Variants in ASAP1 observed in about 807,000 individuals in gnomAD.
The protein encoded by ASAP1 is arf-GAP with SH3 domain, ANK repeat and PH domain-containing protein 1.
A neutral mutation model predicts 145.2 loss-of-function variants in ASAP1; 43 were observed. The ratio of observed to expected loss-of-function variants is 0.30; its 90% confidence interval spans 0.23 to 0.38. The LOEUF is 0.38. ASAP1 is among the 10% of genes least tolerant of loss of function. The pLI is 1.00. For missense variants in ASAP1, 1,018 were observed against 1,355.3 expected, an observed-to-expected ratio of 0.75 and a Z score of 3.91; for synonymous variants, 546 against 515.5, an observed-to-expected ratio of 1.06 and a Z score of -0.80.
At chr8:130,351,406 G>A (rs1195277262) in intron 3 of ASAP1, among the ~76,000 whole-genome samples, 1 of 152,122 alleles carries the variant, frequency 6.6e-6, no homozygotes, top group African/African-American at 2.4e-5. Context: ...TTAGATGATA[G>A]GTGTAAAAAA....
intron 15 of ASAP1, among the ~76,000 whole-genome samples, chr8:130,130,717 T>C (rs1436461091): frequency 1.3e-5 from 2 of 152,174 alleles, no homozygotes; most frequent in Non-Finnish European, 2.9e-5. Context: ...CCCATCTTAC[T>C]GATGAGAAGA....
intron 5 of ASAP1, among the ~76,000 whole-genome samples, chr8:130,193,901 G>A (rs545117429): frequency 6.6e-6 from 1 of 152,124 alleles, no homozygotes; most frequent in South Asian, 2.1e-4. Flanking sequence ...TGTTGGTCAG[G>A]CTGGTTTCCA....
At chr8:130,262,412 AAAAAAGAGAGAGAGAGAG>A (rs1819967942) in intron 3 of ASAP1, among the ~76,000 whole-genome samples, 11 of 98,510 alleles carry the variant, frequency 1.1e-4, no homozygotes, top group Non-Finnish European at 2.0e-4. Flanking sequence ...AAAAAAAAAA[AAAAAAGAGAGAGAGAGAG>A]AGAGAGAGAG....
intron 1 of ASAP1, among the ~76,000 whole-genome samples, chr8:130,417,251 C>T (rs1382577404): frequency 6.6e-6 from 1 of 152,206 alleles, no homozygotes; most frequent in African/African-American, 2.4e-5. Flanking sequence ...GACAGATATA[C>T]AACCCAAGTC....
chr8:130,118,660 T>C lies in ASAP1; in HGVS notation c.1623A>G (p.Glu541=), dbSNP rs1414310955. ...TPSSDMTVRK[E]YITAKYVDHR... The stretch of plus-strand genomic sequence containing the variant: ...GATCTACATACTTTGCAGTGATATA[T>C]TCTTTTCGTACAGTCCTAAAACAGA... Residue 541 remains glutamate, a synonymous_variant, in exon 19 of 30, where the codon GAA becomes GAG. Transcript: ENST00000518721. 6.2e-7 allele frequency: 1 copy of C among 1,611,436 alleles called. No homozygotes were observed. The highest frequency in any genetic ancestry group is 1.3e-5 in the African/African-American group (1 of 74,886).
chr8:130,418,267 A>G (rs1398435642), intron 1 of ASAP1, among the ~76,000 whole-genome samples: 1 of 152,234 alleles, frequency 6.6e-6, no homozygotes, highest in East Asian at 1.9e-4. Context: ...TATACAATTC[A>G]GGCCCGGCAC....
intron 27 of ASAP1, among the ~76,000 whole-genome samples, chr8:130,066,896 T>C (rs192420060): frequency 3.9e-5 from 6 of 152,308 alleles, no homozygotes; most frequent in Non-Finnish European, 7.4e-5. Flanking sequence ...AGAGGCCCTG[T>C]TGGGTCTGGG....
At chr8:130,407,976 C>A (rs937074964) in intron 1 of ASAP1, among the ~76,000 whole-genome samples, 5 of 152,322 alleles carry the variant, frequency 3.3e-5, no homozygotes, top group Admixed American at 2.6e-4. Context: ...TCTGTGGAAG[C>A]TGTACTTAGA....
At chr8:130,311,448 C>T (rs566361723) in intron 3 of ASAP1, among the ~76,000 whole-genome samples, 1 of 152,284 alleles carries the variant, frequency 6.6e-6, no homozygotes, top group African/African-American at 2.4e-5. Context: ...CTTTTTCACT[C>T]GTTAAGCCAG....
chr8:130,143,425 T>TTTG (rs61705958), intron 13 of ASAP1, among the ~76,000 whole-genome samples: 12 of 151,072 alleles, frequency 7.9e-5, no homozygotes, highest in Admixed American at 7.3e-4. Context: ...TTTTTTTTTT[T>TTTG]GACATATGTT....
chr8:130,168,085 T>C (rs1412329265), intron 10 of ASAP1, among the ~76,000 whole-genome samples: 7 of 152,192 alleles, frequency 4.6e-5, no homozygotes, highest in Non-Finnish European at 1.0e-4. Flanking sequence ...GGGACTTAAC[T>C]GTAACCTGAA....
chr8:130,414,235 T>A (rs184399788), intron 1 of ASAP1, among the ~76,000 whole-genome samples: 29 of 152,330 alleles, frequency 1.9e-4, no homozygotes, highest in African/African-American at 6.0e-4. Context: ...TGCTGACCCA[T>A]CTGCCATGTC....
intron 3 of ASAP1, among the ~76,000 whole-genome samples, chr8:130,282,071 A>G (rs1425778646): frequency 3.6e-5 from 2 of 55,244 alleles, no homozygotes; most frequent in East Asian, 2.5e-3. Context: ...TCTGCCTCGA[A>G]AAAAAAAAAA....
At chr8:130,422,101 G>C (rs889244602) in intron 1 of ASAP1, among the ~76,000 whole-genome samples, 2 of 152,200 alleles carry the variant, frequency 1.3e-5, no homozygotes, top group African/African-American at 4.8e-5. Context: ...CCTCCTGGAA[G>C]AGGGGAATAC....
intron 10 of ASAP1, among the ~76,000 whole-genome samples, 160 bp downstream of exon 10, chr8:130,168,832 G>A (rs74895852): frequency 6.6e-6 from 1 of 152,198 alleles, no homozygotes; most frequent in African/African-American, 2.4e-5. Context: ...GACCATCGAT[G>A]ACTTCTCTGA....
chr8:130,302,417 G>A (rs942003737), intron 3 of ASAP1, among the ~76,000 whole-genome samples: 1 of 152,182 alleles, frequency 6.6e-6, no homozygotes, highest in Non-Finnish European at 1.5e-5. Flanking sequence ...AGAGATGAGA[G>A]AGAAATGCTA....
intron 3 of ASAP1, among the ~76,000 whole-genome samples, chr8:130,279,632 T>A (rs1821134919): frequency 1.3e-5 from 2 of 152,246 alleles, no homozygotes; most frequent in Non-Finnish European, 2.9e-5. Flanking sequence ...AGTTCCTTCA[T>A]CTATAAAACA....
chr8:130,306,760 C>T (rs75526651), intron 3 of ASAP1, among the ~76,000 whole-genome samples: 15,615 of 152,264 alleles, frequency 0.1, 938 homozygotes, highest in South Asian at 0.27. Context: ...TTCAGCTATA[C>T]TCACAATGCT....
At chr8:130,104,397 T>C (rs1406278101) in intron 24 of ASAP1, among the ~76,000 whole-genome samples, 1 of 152,244 alleles carries the variant, frequency 6.6e-6, no homozygotes, top group Admixed American at 6.5e-5. Context: ...CTCTTCCTTA[T>C]TTGAAGGTGT....
Sources: gnomAD v4.1 joint callset for allele counts (sites outside exome capture counted in the v4.1 genomes callset) on GRCh38, gnomAD v4.1.1 for gene constraint, MANE v1.5 for transcripts, NCBI Gene and HGNC (gene_info 2026-07-23, HGNC 2026-07-21) for gene names.